The following FOXP1 variants were observed in gnomAD, a reference collection of about 807,000 sequenced individuals.
FOXP1 encodes the protein forkhead box P1, also known as forkhead box protein P1.
A neutral mutation model predicts 98.2 loss-of-function variants in FOXP1; 15 were observed. The observed-to-expected ratio is 0.15, with a 90% CI of 0.10 to 0.24. The LOEUF is 0.24. Among genes scored for constraint, FOXP1 ranks in the 10% least tolerant of loss-of-function variants. The pLI is 1.00. For synonymous variants in FOXP1, 371 were observed against 314.5 expected (o/e 1.18, Z -1.90); for missense variants, 633 against 848.5 (o/e 0.75, Z 3.15).
intron 5 of FOXP1, among the ~76,000 whole-genome samples, chr3:71,284,513 T>C (rs1288863176): frequency 6.6e-6 from 1 of 152,120 alleles, no homozygotes; most frequent in Non-Finnish European, 1.5e-5. Flanking sequence ...TAGTGAGCTA[T>C]AATCATCACT....
rs1443448704 is a variant in FOXP1 at position 71,015,708 on chromosome 3, C to T, written c.870-55G>A. 1.2e-5 allele frequency: 15 copies of T among 1,269,932 alleles called. No homozygotes were observed. The East Asian group carries it at 1.4e-4, about 12-fold the overall frequency. The allele number at this position is 1,269,932 out of a possible 1,614,324, so 78.7% of individuals were successfully genotyped here. A position where few individuals can be genotyped will look rare whatever the true frequency, so the allele number is the denominator to read the frequency against. On this transcript the variant is annotated intron_variant, in intron 11 of 20. Coordinates refer to ENST00000649528, the MANE Select transcript of FOXP1 (RefSeq NM_001349338.3). ...ATGAATTTGCTGCCAAGAACCATTC[C>T]ACCAGACGAGGATAAAAAAGGCAGG... is the stretch of plus-strand genomic sequence containing the variant.
At chr3:71,367,909 A>C in intron 3 of FOXP1, among the ~76,000 whole-genome samples, 1 of 152,294 alleles carries the variant, frequency 6.6e-6, no homozygotes, top group Admixed American at 6.5e-5. Flanking sequence ...CAGGAGCAGA[A>C]GAAAAAAATA....
At chr3:71,041,230 G>A in intron 11 of FOXP1, 98 bp downstream of exon 11, 1 of 928,348 alleles carries the variant, frequency 1.1e-6, no homozygotes, top group Non-Finnish European at 1.8e-6. Context: ...CAAGTCACAT[G>A]GATCCAATTA....
At chr3:71,329,511 GCC>G (rs2076164022) in intron 4 of FOXP1, among the ~76,000 whole-genome samples, 1 of 150,794 alleles carries the variant, frequency 6.6e-6, no homozygotes, top group Non-Finnish European at 1.5e-5. Flanking sequence ...AAGCCACCGC[GCC>G]CGGCCACAAA....
Position 71,106,914 on chromosome 3 carries a change from C to A in FOXP1, c.282+5622G>T, listed in dbSNP as rs145603954. ...TCAGCCATCAGAGTAGCTGGGACTA[C>A]AGGCACCGGGCCCGGCTAATATTTT... On this transcript the variant is annotated intron_variant, in intron 7 of 20. Transcript: ENST00000649528. 4.0e-5 allele frequency among the ~76,000 whole-genome samples: 6 copies of A among 151,798 alleles called. No homozygotes were observed. In the East Asian group the frequency reaches 1.2e-3, roughly 30 times the overall value.
At chr3:71,389,112 C>T (rs937334095) in intron 3 of FOXP1, among the ~76,000 whole-genome samples, 13 of 151,786 alleles carry the variant, frequency 8.6e-5, no homozygotes, top group African/African-American at 3.1e-4. Context: ...AAAAATATTA[C>T]ATATCTTGAG....
chr3:71,094,318 C>T (rs561637652), intron 7 of FOXP1, among the ~76,000 whole-genome samples: 133 of 131,304 alleles, frequency 1.0e-3, no homozygotes, highest in African/African-American at 3.7e-3. Flanking sequence ...CTCGCTCTGT[C>T]GCCCAGGCTG....
At chr3:71,036,655 G>A (rs549990030) in intron 11 of FOXP1, among the ~76,000 whole-genome samples, 3 of 152,218 alleles carry the variant, frequency 2.0e-5, no homozygotes, top group East Asian at 3.9e-4. Context: ...GTGGGGATAC[G>A]TTATTTTGGA....
intron 4 of FOXP1, among the ~76,000 whole-genome samples, chr3:71,325,129 T>C (rs1180027370): frequency 6.6e-6 from 1 of 150,444 alleles, no homozygotes; most frequent in Non-Finnish European, 1.5e-5. Context: ...CTCAGCTCAC[T>C]GCAACCTCCA....
chr3:71,382,423 C>T (rs1295644214), intron 3 of FOXP1, among the ~76,000 whole-genome samples: 1 of 152,158 alleles, frequency 6.6e-6, no homozygotes, highest in African/African-American at 2.4e-5. Flanking sequence ...TGATTGCACC[C>T]CAGCTCCAGT....
rs1484443386 is a variant in FOXP1, at chr3:71,583,666, TCACTCGCGCACACACGCGCGCACACACG to T, written c.-570_-543del. 3.1e-6 allele frequency: 3 copies of T among 983,462 alleles called. No homozygotes were observed. Among genetic ancestry groups the T allele is most frequent in the South Asian group, 4.7e-5 (1 of 21,228 alleles). The allele number at this position is 983,462 out of a possible 1,614,324, so 60.9% of individuals were successfully genotyped here. A position where few individuals can be genotyped will look rare whatever the true frequency, so the allele number is the denominator to read the frequency against. ...CCGCGCGCGCACCCCGCGCACACAC[TCACTCGCGCACACACGCGCGCACACACG>T]CACTCCCGGGCGAGGGCCGGGCCGC... On this transcript the variant is annotated 5_prime_UTR_variant, in exon 1 of 21. Coordinates refer to ENST00000649528, the MANE Select transcript of FOXP1 (RefSeq NM_001349338.3).
At chr3:70,976,420 G>C (rs971437713) in intron 17 of FOXP1, among the ~76,000 whole-genome samples, 1 of 152,150 alleles carries the variant, frequency 6.6e-6, no homozygotes, top group Non-Finnish European at 1.5e-5. Flanking sequence ...AATACATTGT[G>C]TTCTCCATTA....
intron 3 of FOXP1, among the ~76,000 whole-genome samples, chr3:71,460,590 C>T (rs1482975984): frequency 1.3e-5 from 2 of 152,122 alleles, no homozygotes; most frequent in African/African-American, 4.8e-5. Context: ...GTGCACACCG[C>T]CAGGCTTGGC....
chr3:71,363,023 A>C (rs1295775135), intron 3 of FOXP1, among the ~76,000 whole-genome samples: 1 of 152,032 alleles, frequency 6.6e-6, no homozygotes, highest in Non-Finnish European at 1.5e-5. Flanking sequence ...AGTTCTTTGT[A>C]CTTTAAATTA....
chr3:71,102,882 A>G (rs943115717), intron 7 of FOXP1, among the ~76,000 whole-genome samples: 1 of 152,184 alleles, frequency 6.6e-6, no homozygotes, highest in African/African-American at 2.4e-5. Context: ...GCCACTTATC[A>G]GCTGTATGGC....
At chr3:70,968,000 C>T (rs1429170712) in intron 19 of FOXP1, among the ~76,000 whole-genome samples, 1 of 152,084 alleles carries the variant, frequency 6.6e-6, no homozygotes, top group East Asian at 1.9e-4. Flanking sequence ...AGTTTGTCAT[C>T]CTCTAGAGAA....
chr3:71,057,267 T>C (rs1576480726), intron 7 of FOXP1, among the ~76,000 whole-genome samples: 1 of 125,874 alleles, frequency 7.9e-6, no homozygotes, highest in African/African-American at 2.8e-5. Flanking sequence ...GGCCCCTCTT[T>C]AAAAGTATTC....
intron 3 of FOXP1, among the ~76,000 whole-genome samples, chr3:71,376,755 G>C (rs933816924): frequency 1.3e-5 from 2 of 152,064 alleles, no homozygotes; most frequent in African/African-American, 4.8e-5. Flanking sequence ...TCACACCATG[G>C]TCCCCTTTCA....
intron 3 of FOXP1, among the ~76,000 whole-genome samples, chr3:71,411,696 C>T (rs2108275619): frequency 6.6e-6 from 1 of 152,290 alleles, no homozygotes; most frequent in South Asian, 2.1e-4. Flanking sequence ...TAGAAAAGGA[C>T]CCATCAAGAG....
Sources: allele counts gnomAD v4.1 joint callset (sites outside exome capture counted in the v4.1 genomes callset), GRCh38; gene constraint gnomAD v4.1.1; transcripts MANE v1.5; gene names NCBI Gene and HGNC (gene_info 2026-07-23, HGNC 2026-07-21).